NDST4: variants seen among roughly 807,000 people sequenced by gnomAD.
NDST4 encodes N-deacetylase and N-sulfotransferase 4, also known as N-heparan sulfate sulfotransferase 4.
NDST4 carries 63 observed loss-of-function variants against 100.8 expected under a neutral mutation model. That is an observed-to-expected ratio of 0.62 (90% CI 0.51 to 0.77). The LOEUF (loss-of-function observed/expected upper bound fraction) is 0.77. NDST4 is among the 30% of genes least tolerant of loss of function. NDST4 has a pLI of 0.00. For synonymous variants in NDST4, 377 were observed against 361.8 expected (o/e 1.04, Z -0.48); for missense variants, 943 against 1,018.4 (o/e 0.93, Z 1.01).
chr4:115,077,111 G>A lies in NDST4; in HGVS notation c.-75C>T. The A allele has an allele frequency of 1.5e-6, 2 of 1,337,170 alleles. No individual in the cohort carries two copies. The highest frequency in any genetic ancestry group is 1.0e-6 in the Non-Finnish European group (1 of 990,542). 82.8% of individuals were successfully genotyped at this position (1,337,170 alleles called of 1,614,324 possible). A position where few individuals can be genotyped will look rare whatever the true frequency, so the allele number is the denominator to read the frequency against. On this transcript the variant is annotated 5_prime_UTR_variant, in exon 2 of 14. Transcript: ENST00000264363. ...TGCCATAGTGAATAAAGTATGAGAT[G>A]TTGCAAATATCACTTCCCCAGAGTT...
chr4:114,839,824 A>G (rs1473405603), intron 10 of NDST4, among the ~76,000 whole-genome samples: 1 of 152,208 alleles, frequency 6.6e-6, no homozygotes, highest in Non-Finnish European at 1.5e-5. Flanking sequence ...ACTATATATC[A>G]AGTGGTATAC....
At chr4:114,885,173 C>T (rs1724452477) in intron 6 of NDST4, among the ~76,000 whole-genome samples, 1 of 152,066 alleles carries the variant, frequency 6.6e-6, no homozygotes. Flanking sequence ...TTTTTAAATA[C>T]ATGAATAACA....
chr4:114,862,230 A>C (rs993917072), intron 7 of NDST4, among the ~76,000 whole-genome samples: 1 of 152,160 alleles, frequency 6.6e-6, no homozygotes, highest in African/African-American at 2.4e-5. Flanking sequence ...AACTCCTACA[A>C]CACACCATAC....
At chr4:114,984,181 TTTA>T (rs1726847316) in intron 2 of NDST4, among the ~76,000 whole-genome samples, 1 of 133,026 alleles carries the variant, frequency 7.5e-6, no homozygotes, top group Non-Finnish European at 1.7e-5. Flanking sequence ...TATTTATTTA[TTTA>T]TTGAGATGGA....
intron 2 of NDST4, among the ~76,000 whole-genome samples, chr4:115,015,611 G>A (rs1263444604): frequency 1.3e-5 from 2 of 152,050 alleles, no homozygotes; most frequent in African/African-American, 4.8e-5. Context: ...GAACATATTT[G>A]TATTCCATAT....
chr4:115,014,828 G>T (rs1727640484), intron 2 of NDST4, among the ~76,000 whole-genome samples: 1 of 151,952 alleles, frequency 6.6e-6, no homozygotes, highest in Non-Finnish European at 1.5e-5. Context: ...ACCTTATTAG[G>T]TCTGAACACT....
chr4:114,914,174 C>G (rs1725120439), intron 6 of NDST4, among the ~76,000 whole-genome samples: 2 of 151,806 alleles, frequency 1.3e-5, no homozygotes, highest in African/African-American at 4.8e-5. Flanking sequence ...GGAAGGTTAC[C>G]AGAAGCTGGG....
chr4:114,989,589 C>T (rs1488643277), intron 2 of NDST4, among the ~76,000 whole-genome samples: 1 of 152,076 alleles, frequency 6.6e-6, no homozygotes, highest in Non-Finnish European at 1.5e-5. Context: ...TGAGCAGATA[C>T]ATAATATTCA....
chr4:115,061,553 C>T (rs909062583), intron 2 of NDST4, among the ~76,000 whole-genome samples: 6 of 151,548 alleles, frequency 4.0e-5, no homozygotes, highest in Admixed American at 1.3e-4. Context: ...TGTTCTCACT[C>T]ATAAGTGGGA....
At chr4:114,973,903 C>T (rs186462968) in intron 3 of NDST4, among the ~76,000 whole-genome samples, 1 of 151,828 alleles carries the variant, frequency 6.6e-6, no homozygotes, top group South Asian at 2.1e-4. Context: ...ATAGAATAAA[C>T]TACTTTTTAA....
intron 6 of NDST4, among the ~76,000 whole-genome samples, chr4:114,883,731 T>C (rs973680142): frequency 3.9e-5 from 6 of 152,070 alleles, no homozygotes; most frequent in African/African-American, 1.4e-4. Flanking sequence ...ATTTTGACAA[T>C]TTTTTCATGG....
At chr4:114,971,738 C>G (rs193118153) in intron 3 of NDST4, among the ~76,000 whole-genome samples, 121 of 152,114 alleles carry the variant, frequency 8.0e-4, no homozygotes, top group African/African-American at 2.3e-3. Context: ...TAAGGATTTT[C>G]TCTGAATGTT....
intron 1 of NDST4, among the ~76,000 whole-genome samples, chr4:115,090,409 TACTC>T (rs1174519465): frequency 5.3e-5 from 8 of 152,004 alleles, no homozygotes; most frequent in East Asian, 3.9e-4. Flanking sequence ...AGTTGTAAAA[TACTC>T]AGCCAAAACT....
At chr4:114,979,246 G>A (rs935137309) in intron 2 of NDST4, among the ~76,000 whole-genome samples, 6 of 151,286 alleles carry the variant, frequency 4.0e-5, no homozygotes, top group Non-Finnish European at 5.9e-5. Flanking sequence ...GCCTCCTCTG[G>A]TACACCAAAG....
At chr4:115,002,776 C>T (rs1727322778) in intron 2 of NDST4, among the ~76,000 whole-genome samples, 2 of 152,078 alleles carry the variant, frequency 1.3e-5, no homozygotes, top group African/African-American at 4.8e-5. Flanking sequence ...GACACATGCA[C>T]ATGTAGGTTT....
intron 10 of NDST4, among the ~76,000 whole-genome samples, chr4:114,840,762 T>C (rs1055627452): frequency 7.2e-5 from 11 of 152,160 alleles, no homozygotes; most frequent in African/African-American, 2.7e-4. Context: ...GGAAGTATAC[T>C]GGTCCGTGCT....
chr4:115,010,580 T>G lies in NDST4; in HGVS notation c.979-33306A>C, dbSNP rs1203263864. Among the ~76,000 whole-genome samples, 34 of 128,046 alleles carry G rather than the reference T, an allele frequency of 2.7e-4. 11 individuals are homozygous for G. The highest frequency in any genetic ancestry group is 2.3e-3 in the Admixed American group (29 of 12,558). The allele number at this position is 128,046 out of a possible 152,430, so 84.0% of individuals were successfully genotyped here. ...AGGGATAGCTTTAAGAGATATACCT[T>G]ATGCTAAATGACGAGTTAATGTGTG... is the stretch of plus-strand genomic sequence containing the variant. On this transcript the variant is annotated intron_variant, in intron 2 of 13. Coordinates refer to ENST00000264363, the MANE Select transcript of NDST4 (RefSeq NM_022569.3).
intron 2 of NDST4, among the ~76,000 whole-genome samples, chr4:114,987,901 A>G (rs1361862081): frequency 6.6e-6 from 1 of 152,206 alleles, no homozygotes; most frequent in Non-Finnish European, 1.5e-5. Context: ...GATCTCCTCT[A>G]TTGAATATAG....
intron 11 of NDST4, 46 bp from the exon 12 acceptor site, chr4:114,833,761 G>T: frequency 7.9e-7 from 1 of 1,258,028 alleles, no homozygotes; most frequent in Non-Finnish European, 1.1e-6. Flanking sequence ...AAATTAAATT[G>T]AATAGACTGT....
Sources: allele counts gnomAD v4.1 joint callset (sites outside exome capture counted in the v4.1 genomes callset), GRCh38; gene constraint gnomAD v4.1.1; transcripts MANE v1.5; gene names NCBI Gene and HGNC (gene_info 2026-07-23, HGNC 2026-07-21).